The following ASIC2 variants were observed in gnomAD, a reference collection of about 807,000 sequenced individuals.
ASIC2 encodes acid sensing ion channel subunit 2, also known as acid-sensing ion channel 2.
In ASIC2, 25 loss-of-function variants were observed where a neutral mutation model predicts 57.3. That is an observed-to-expected ratio of 0.44 (90% CI 0.32 to 0.61). The LOEUF (loss-of-function observed/expected upper bound fraction) is 0.61. ASIC2 is among the 20% of genes least tolerant of loss of function. ASIC2 has a pLI of 0.06. For synonymous variants in ASIC2, 319 were observed against 307.5 expected, an observed-to-expected ratio of 1.04 and a Z score of -0.39; for missense variants, 641 against 738.1, an observed-to-expected ratio of 0.87 and a Z score of 1.52.
chr17:33,088,553 T>A (rs1258989424), intron 3 of ASIC2, among the ~76,000 whole-genome samples: 2 of 144,238 alleles, frequency 1.4e-5, no homozygotes, highest in African/African-American at 4.9e-5. Flanking sequence ...TTCCTTAGCA[T>A]CCCCTGGCCA....
chr17:33,762,486 T>G (rs1020603208), intron 1 of ASIC2, among the ~76,000 whole-genome samples: 1 of 152,176 alleles, frequency 6.6e-6, no homozygotes, highest in Non-Finnish European at 1.5e-5. Context: ...TGCAGAAACA[T>G]GATGACCAGA....
chr17:33,854,597 G>A (rs963623734), intron 1 of ASIC2, among the ~76,000 whole-genome samples: 1 of 152,216 alleles, frequency 6.6e-6, no homozygotes, highest in African/African-American at 2.4e-5. Flanking sequence ...GGAACTGTGG[G>A]TGGGGGAAGC....
At chr17:33,635,996 G>A (rs1181051411) in intron 1 of ASIC2, among the ~76,000 whole-genome samples, 1 of 152,152 alleles carries the variant, frequency 6.6e-6, no homozygotes, top group Non-Finnish European at 1.5e-5. Context: ...TTTCAATGAC[G>A]GATACAATTT....
At chr17:33,312,725 G>A (rs932303432) in intron 1 of ASIC2, among the ~76,000 whole-genome samples, 8 of 152,090 alleles carry the variant, frequency 5.3e-5, no homozygotes, top group Admixed American at 1.3e-4. Flanking sequence ...ACCTGAGGTC[G>A]GGAGTTCGAG....
chr17:33,546,135 A>G (rs936334947), intron 1 of ASIC2, among the ~76,000 whole-genome samples: 4 of 150,246 alleles, frequency 2.7e-5, no homozygotes, highest in African/African-American at 7.3e-5. Flanking sequence ...AAATATATAT[A>G]CACATATGTA....
intron 1 of ASIC2, among the ~76,000 whole-genome samples, chr17:34,095,941 T>G (rs1450315408): frequency 6.6e-6 from 1 of 151,966 alleles, no homozygotes; most frequent in Non-Finnish European, 1.5e-5. Flanking sequence ...TTTGTATTAC[T>G]ATACTCATTT....
At chr17:33,577,586 A>G (rs978828419) in intron 1 of ASIC2, among the ~76,000 whole-genome samples, 2 of 152,158 alleles carry the variant, frequency 1.3e-5, no homozygotes, top group Non-Finnish European at 2.9e-5. Flanking sequence ...TTTCAGGAAT[A>G]TGGCCCTGGA....
chr17:33,559,202 A>G (rs1915998815), intron 1 of ASIC2, among the ~76,000 whole-genome samples: 1 of 151,948 alleles, frequency 6.6e-6, no homozygotes, highest in South Asian at 2.1e-4. Context: ...TCCACTCTCA[A>G]CCTCATAACA....
At chr17:33,236,210 T>C (rs1908291493) in intron 1 of ASIC2, among the ~76,000 whole-genome samples, 1 of 152,086 alleles carries the variant, frequency 6.6e-6, no homozygotes, top group South Asian at 2.1e-4. Context: ...TGAATGTATT[T>C]TGCATGAAGG....
intron 1 of ASIC2, among the ~76,000 whole-genome samples, chr17:33,735,644 A>C (rs1456578090): frequency 6.6e-6 from 1 of 152,096 alleles, no homozygotes; most frequent in Non-Finnish European, 1.5e-5. Flanking sequence ...AAGGGTTCCT[A>C]ATGGTGTCTG....
At chr17:33,218,492 A>G (rs1907579212) in intron 1 of ASIC2, among the ~76,000 whole-genome samples, 1 of 152,238 alleles carries the variant, frequency 6.6e-6, no homozygotes, top group Non-Finnish European at 1.5e-5. Context: ...AGAAGTGAGT[A>G]ATAACTCCTG....
intron 1 of ASIC2, among the ~76,000 whole-genome samples, chr17:33,483,540 T>C (rs1410496270): frequency 6.6e-6 from 1 of 152,232 alleles, no homozygotes. Flanking sequence ...CGTTCTTAGC[T>C]ATGTGAGCTC....
At chr17:34,135,595 G>A (rs1011875233) in intron 1 of ASIC2, among the ~76,000 whole-genome samples, 3 of 152,156 alleles carry the variant, frequency 2.0e-5, no homozygotes, top group African/African-American at 7.2e-5. Context: ...AGCCAAGGTT[G>A]AGAATCATAG....
At chr17:33,164,578 A>ATG (rs1905253942) in intron 1 of ASIC2, among the ~76,000 whole-genome samples, 3 of 59,208 alleles carry the variant, frequency 5.1e-5, no homozygotes, top group African/African-American at 9.5e-5. Context: ...ACATGCACGC[A>ATG]CACACACACA....
intron 1 of ASIC2, among the ~76,000 whole-genome samples, chr17:33,158,148 T>G (rs1346335910): frequency 1.3e-5 from 2 of 152,244 alleles, no homozygotes; most frequent in African/African-American, 4.8e-5. Flanking sequence ...TCTGGTATCC[T>G]ACCAGTATAA....
Position 33,750,756 on chromosome 17 carries a change from G to T in ASIC2, c.555+405222C>A, listed in dbSNP as rs565676857. Reference sequence around the variant, plus strand: ...GCTAGGGACTCAGCAGGGCTGATCTGTGATTTCTGGAGTCTTCAGAGAAAG... The same window carrying T: ...GCTAGGGACTCAGCAGGGCTGATCTTTGATTTCTGGAGTCTTCAGAGAAAG... On this transcript the variant is annotated intron_variant, in intron 1 of 9. Transcript: ENST00000359872. Among the ~76,000 whole-genome samples the T allele has an allele frequency of 2.0e-5, 3 of 152,314 alleles. No homozygotes were observed. The South Asian group carries it at 6.2e-4, about 32-fold the overall frequency.
At chr17:34,093,207 T>C (rs1226280019) in intron 1 of ASIC2, among the ~76,000 whole-genome samples, 2 of 152,190 alleles carry the variant, frequency 1.3e-5, no homozygotes, top group African/African-American at 4.8e-5. Context: ...AGATAATGCC[T>C]TTTGCCCCAT....
chr17:33,901,767 A>T lies in ASIC2; in HGVS notation c.555+254211T>A, dbSNP rs924937992. On this transcript the variant is annotated intron_variant, in intron 1 of 9. Coordinates refer to the ASIC2 transcript ENST00000359872. ...GGTAAATAGAGGTGTAGTGATATTG[A>T]TCTGGTTTCCAGGACTTTCCAAAAT... 3.3e-5 allele frequency among the ~76,000 whole-genome samples: 5 copies of T among 152,172 alleles called. No homozygotes were observed. The South Asian group carries it at 1.0e-3, about 32-fold the overall frequency.
At chr17:33,204,261 C>T (rs1011597501) in intron 1 of ASIC2, among the ~76,000 whole-genome samples, 12 of 152,244 alleles carry the variant, frequency 7.9e-5, no homozygotes, top group Non-Finnish European at 1.5e-4. Flanking sequence ...GCAGGCCCTA[C>T]TTGTCTCTCC....
Sources: gnomAD v4.1 joint callset for allele counts (sites outside exome capture counted in the v4.1 genomes callset) on GRCh38, gnomAD v4.1.1 for gene constraint, MANE v1.5 for transcripts, NCBI Gene and HGNC (gene_info 2026-07-23, HGNC 2026-07-21) for gene names.